ABCC11: variants seen among roughly 807,000 people sequenced by gnomAD.
ABCC11 encodes the protein ATP binding cassette subfamily C member 11.
A neutral mutation model predicts 149.3 loss-of-function variants in ABCC11; 135 were observed. The observed-to-expected ratio is 0.90, with a 90% CI of 0.79 to 1.04. The LOEUF is 1.04. Among genes scored for constraint, ABCC11 ranks in the 50% least tolerant of loss-of-function variants. ABCC11 has a pLI of 0.00. For missense variants in ABCC11, 1,680 were observed against 1,722.1 expected, an observed-to-expected ratio of 0.98 and a Z score of 0.43; for synonymous variants, 665 against 671.4, an observed-to-expected ratio of 0.99 and a Z score of 0.15.
chr16:48,180,982 C>T (rs1966391196), intron 23 of ABCC11, among the ~76,000 whole-genome samples: 2 of 152,220 alleles, frequency 1.3e-5, no homozygotes, highest in Non-Finnish European at 2.9e-5. Context: ...CCATTAGAGT[C>T]TCCTGTGGTG....
chr16:48,218,219 C>T (rs986080425), intron 6 of ABCC11, among the ~76,000 whole-genome samples: 1 of 151,980 alleles, frequency 6.6e-6, no homozygotes, highest in Admixed American at 6.6e-5. Flanking sequence ...TTGCTGGAGC[C>T]CAGGAGGTCC....
intron 23 of ABCC11, among the ~76,000 whole-genome samples, chr16:48,182,311 C>G (rs1422806235): frequency 6.6e-6 from 1 of 152,180 alleles, no homozygotes; most frequent in African/African-American, 2.4e-5. Context: ...CTTCTGCAGA[C>G]ACATGGACAT....
Position 48,199,515 on chromosome 16 carries a change from A to C in ABCC11, c.2082+761T>G, listed in dbSNP as rs542995730. On this transcript the variant is annotated intron_variant, in intron 15 of 29. Coordinates refer to ENST00000356608, the MANE Select transcript of ABCC11 (RefSeq NM_001370497.1). ...GCCATAGATGAAAATATTCAAGGGA[A>C]AATGACCCAGGAGAAGCACCACCAG... 7.9e-5 allele frequency among the ~76,000 whole-genome samples: 12 copies of C among 152,250 alleles called. No homozygotes were observed. The East Asian group carries it at 1.7e-3, about 22-fold the overall frequency.
At position 48,196,311 on chromosome 16, in the gene ABCC11, A is replaced by T; in HGVS notation, c.2325T>A (p.His775Gln). Residue 775 changes from histidine to glutamine, a missense_variant, in exon 18 of 30, where the codon CAT becomes CAA. Coordinates refer to ENST00000356608, the MANE Select transcript of ABCC11 (RefSeq NM_001370497.1). ...ESLNGNAVPE[H>Q]QLTQEEEMEE... ...CCATCTCCTCCTCCTGTGTGAGCTG[A>T]TGCTCCGGCACTGGGTCAGGGTAGA... 7 of 1,613,982 alleles carry T rather than the reference A, an allele frequency of 4.3e-6. No homozygotes were observed. Among genetic ancestry groups the T allele is most frequent in the Non-Finnish European group, 5.9e-6 (7 of 1,179,926 alleles).
At chr16:48,225,344 C>A (rs918888000) in intron 4 of ABCC11, among the ~76,000 whole-genome samples, 1 of 152,204 alleles carries the variant, frequency 6.6e-6, no homozygotes, top group South Asian at 2.1e-4. Context: ...GAATCAAGAT[C>A]CAAACAAGGT....
chr16:48,244,574 C>A, intron 1 of ABCC11: 1 of 1,507,596 alleles, frequency 6.6e-7, no homozygotes, highest in Non-Finnish European at 8.8e-7. Context: ...TCATCCCCAA[C>A]ACGCCTGACC....
chr16:48,236,511 C>A (rs1217841267), intron 1 of ABCC11, among the ~76,000 whole-genome samples: 1 of 152,150 alleles, frequency 6.6e-6, no homozygotes, highest in Non-Finnish European at 1.5e-5. Context: ...TCTTTGAAAC[C>A]AGGGACCTTG....
At chr16:48,244,515 C>T in intron 1 of ABCC11, 3 of 1,589,268 alleles carry the variant, frequency 1.9e-6, no homozygotes, top group Non-Finnish European at 2.6e-6. Context: ...GCAGCTGGTG[C>T]GGAGCCGCCT....
Position 48,167,162 on chromosome 16 carries a change from CAGG to C in ABCC11, c.*109_*111del. Reference sequence around the variant, plus strand: ...CCCCCCCTACATTTACCCCTGCTTCCAGGAGAAGTTCTCATCTCCAAACAAGAA... The same window carrying C: ...CCCCCCCTACATTTACCCCTGCTTCCAGAAGTTCTCATCTCCAAACAAGAA... On this transcript the variant is annotated 3_prime_UTR_variant, in exon 30 of 30. Coordinates refer to ENST00000356608, the MANE Select transcript of ABCC11 (RefSeq NM_001370497.1). The C allele has an allele frequency of 1.6e-6, 1 of 619,252 alleles. No individual in the cohort carries two copies. The highest frequency in any genetic ancestry group is 2.9e-5 in the East Asian group (1 of 35,036). The allele number at this position is 619,252 out of a possible 1,614,324, so 38.4% of individuals were successfully genotyped here. A position where few individuals can be genotyped will look rare whatever the true frequency, so the allele number is the denominator to read the frequency against.
chr16:48,241,554 C>T (rs766095345), intron 1 of ABCC11, among the ~76,000 whole-genome samples: 1 of 152,176 alleles, frequency 6.6e-6, no homozygotes, highest in Non-Finnish European at 1.5e-5. Flanking sequence ...CTTTAAAGCT[C>T]ATATAGAACC....
At chr16:48,197,825 G>T in intron 17 of ABCC11, 146 bp downstream of exon 17, 1 of 817,342 alleles carries the variant, frequency 1.2e-6, no homozygotes, top group Non-Finnish European at 1.9e-6. Flanking sequence ...TCAACTACTT[G>T]GTTCTGGAAC....
chr16:48,200,144 A>T (rs1012600765), intron 15 of ABCC11, 132 bp downstream of exon 15: 1 of 903,276 alleles, frequency 1.1e-6, no homozygotes, highest in Non-Finnish European at 1.6e-6. Context: ...GCCCTCCCCA[A>T]ATGTGGAGGA....
chr16:48,187,829 T>C (rs1290997016), intron 20 of ABCC11, among the ~76,000 whole-genome samples: 1 of 152,136 alleles, frequency 6.6e-6, no homozygotes, highest in East Asian at 1.9e-4. Flanking sequence ...TTAAAAATGC[T>C]CAGAGCAGTG....
At chr16:48,238,961 C>CAAAAAAAAAA (rs1970825803) in intron 1 of ABCC11, among the ~76,000 whole-genome samples, 1 of 125,968 alleles carries the variant, frequency 7.9e-6, no homozygotes, top group African/African-American at 3.1e-5. Flanking sequence ...AAAAAAAAAC[C>CAAAAAAAAAA]ATAAAAACTA....
chr16:48,221,423 C>T (rs1433096797), intron 6 of ABCC11, among the ~76,000 whole-genome samples: 1 of 150,802 alleles, frequency 6.6e-6, no homozygotes, highest in Non-Finnish European at 1.5e-5. Context: ...CCATTTCTGT[C>T]AATGGTTGTT....
At chr16:48,184,375 C>G in intron 23 of ABCC11, 65 bp downstream of exon 23, 3 of 1,560,822 alleles carry the variant, frequency 1.9e-6, no homozygotes, top group Non-Finnish European at 2.6e-6. Context: ...CCTGAGTCTG[C>G]CCAGAAGCCA....
At chr16:48,223,211 G>A (rs548269016) in intron 5 of ABCC11, among the ~76,000 whole-genome samples, 2 of 152,346 alleles carry the variant, frequency 1.3e-5, no homozygotes, top group South Asian at 2.1e-4. Context: ...TAGACTTAAG[G>A]GGCAAGAGCA....
intron 28 of ABCC11, 100 bp from the exon 29 acceptor site, chr16:48,167,760 A>AGG: frequency 7.4e-7 from 1 of 1,342,598 alleles, no homozygotes. Flanking sequence ...CTTCCTCTCC[A>AGG]GGTCTCCATT....
chr16:48,192,464 A>C, intron 20 of ABCC11, 56 bp downstream of exon 20: 1 of 1,544,660 alleles, frequency 6.5e-7, no homozygotes, highest in South Asian at 1.2e-5. Context: ...AATAAAAATG[A>C]AGCTGGGCAA....
Sources: allele counts gnomAD v4.1 joint callset (sites outside exome capture counted in the v4.1 genomes callset), GRCh38; gene constraint gnomAD v4.1.1; transcripts MANE v1.5; gene names NCBI Gene and HGNC (gene_info 2026-07-23, HGNC 2026-07-21).